The following CCDC88A variants were observed in gnomAD, a reference collection of about 807,000 sequenced individuals.
The protein encoded by CCDC88A is girdin.
A neutral mutation model predicts 234.3 loss-of-function variants in CCDC88A; 54 were observed. That is an observed-to-expected ratio of 0.23 (90% CI 0.19 to 0.29). The LOEUF is 0.29. CCDC88A is among the 10% of genes least tolerant of loss of function. The pLI, the probability that CCDC88A is intolerant of heterozygous loss-of-function variation, is 1.00. For synonymous variants in CCDC88A, 753 were observed against 737.8 expected (o/e 1.02, Z -0.33); for missense variants, 1,832 against 2,123.4 (o/e 0.86, Z 2.70).
rs1574049389 is a variant in CCDC88A at position 55,309,930 on chromosome 2, T to C, written c.4080-676A>G. 6.6e-6 allele frequency among the ~76,000 whole-genome samples: 1 copy of C among 152,104 alleles called. No individual in the cohort carries two copies. The highest frequency in any genetic ancestry group is 2.4e-5 in the African/African-American group (1 of 41,410). Reference sequence around the variant, plus strand: ...TGTGTGTATATATATAAAATGACTATATAATCCAAGGTAGTAGCAGTACCA... The same window carrying C: ...TGTGTGTATATATATAAAATGACTACATAATCCAAGGTAGTAGCAGTACCA... On this transcript the variant is annotated intron_variant, in intron 23 of 32. Transcript: ENST00000436346. This position sits in a 1 kb window ranked among gnomAD's most constrained non-coding sequence, Gnocchi z 5.1.
intron 22 of CCDC88A, chr2:55,313,862 TTTA>T: frequency 6.6e-6 from 1 of 152,350 alleles, no homozygotes. Context: ...GTTGGTTTTA[TTTA>T]TCTGTATGTT....
At chr2:55,407,531 G>A (rs1220316140) in intron 2 of CCDC88A, among the ~76,000 whole-genome samples, 4 of 151,592 alleles carry the variant, frequency 2.6e-5, no homozygotes, top group Non-Finnish European at 5.9e-5. Context: ...CTTGAAACCG[G>A]GAGGCAGAGG....
At chr2:55,398,716 T>A (rs1050785738) in intron 2 of CCDC88A, among the ~76,000 whole-genome samples, 1 of 152,036 alleles carries the variant, frequency 6.6e-6, no homozygotes, top group Non-Finnish European at 1.5e-5. Context: ...AGTTCAAGAC[T>A]ACCCTGGGCA....
chr2:55,303,860 C>A (rs1197025933), intron 25 of CCDC88A, among the ~76,000 whole-genome samples: 1 of 152,158 alleles, frequency 6.6e-6, no homozygotes, highest in Non-Finnish European at 1.5e-5. Flanking sequence ...CTTTTGAAGT[C>A]TCTATTTTAA....
At chr2:55,338,778 C>A (rs1393001813) in intron 13 of CCDC88A, among the ~76,000 whole-genome samples, 1 of 152,116 alleles carries the variant, frequency 6.6e-6, no homozygotes, top group Non-Finnish European at 1.5e-5. Context: ...CTTCCACTAG[C>A]CCGAGTTGAG....
chr2:55,373,688 C>T (rs1274112896), intron 4 of CCDC88A, among the ~76,000 whole-genome samples: 1 of 152,130 alleles, frequency 6.6e-6, no homozygotes, highest in Non-Finnish European at 1.5e-5. Context: ...ACAATTCCAT[C>T]CTACACGCAA....
rs548868994 is a variant in CCDC88A, at chr2:55,410,546, TCA to T, written c.164+8268_164+8269del. On this transcript the variant is annotated intron_variant, in intron 2 of 32. Coordinates refer to ENST00000436346, the MANE Select transcript of CCDC88A (RefSeq NM_001365480.1). Reference sequence around the variant, plus strand: ...ACAAATGTTAGGGGCAGATCTCCTCTCACTCAGAGTGAAGTTGATGGGTTTTA... The same window carrying T: ...ACAAATGTTAGGGGCAGATCTCCTCTCTCAGAGTGAAGTTGATGGGTTTTA... 5.3e-5 allele frequency among the ~76,000 whole-genome samples: 8 copies of T among 152,296 alleles called. No homozygotes were observed. In the East Asian group the frequency reaches 1.5e-3, roughly 29 times the overall value.
In CCDC88A at chr2:55,339,536, A is replaced by G. The variant is rs1467153111; in HGVS notation, c.1446T>C (p.Thr482=). 6.2e-7 allele frequency: 1 copy of G among 1,613,630 alleles called. No homozygotes were observed. Among genetic ancestry groups the G allele is most frequent in the Non-Finnish European group, 8.5e-7 (1 of 1,179,766 alleles). The change falls in exon 13 of 33, where the codon ACT becomes ACC. Residue 482 remains threonine (T), a synonymous_variant. Transcript: ENST00000436346. The stretch of plus-strand genomic sequence containing the variant: ...AAGCATTGCCTTCTACAGAATCCAC[A>G]GTAGTCCGAAGCTCTTCTACGGTTT... The part of the protein sequence containing the change: ...LTKTVEELRT[T]VDSVEGNASK...
At position 55,291,680 on chromosome 2, in the gene CCDC88A, T is replaced by A. The variant is rs753360410; in HGVS notation, c.*31A>T. Reference sequence around the variant, plus strand: ...CATTTTAAGCAGGAAACTCACCACTTGGCCCACATGTCATGTAGTGGGTAA... The same window carrying A: ...CATTTTAAGCAGGAAACTCACCACTAGGCCCACATGTCATGTAGTGGGTAA... On this transcript the variant is annotated 3_prime_UTR_variant, in exon 32 of 33. Transcript: ENST00000436346. 2.8e-6 allele frequency: 4 copies of A among 1,429,086 alleles called. No individual in the cohort carries two copies. Among genetic ancestry groups the A allele is most frequent in the African/African-American group, 1.4e-5 (1 of 69,808 alleles). The allele number at this position is 1,429,086 out of a possible 1,614,324, so 88.5% of individuals were successfully genotyped here. A position where few individuals can be genotyped will look rare whatever the true frequency, so the allele number is the denominator to read the frequency against.
chr2:55,394,452 T>A (rs1677175191), intron 2 of CCDC88A: 1 of 152,082 alleles, frequency 6.6e-6, no homozygotes, highest in Non-Finnish European at 1.5e-5. Context: ...TACCCAGTAA[T>A]GGGATAGCTG....
intron 3 of CCDC88A, among the ~76,000 whole-genome samples, chr2:55,380,573 A>T (rs1415911793): frequency 6.6e-6 from 1 of 152,132 alleles, no homozygotes; most frequent in Non-Finnish European, 1.5e-5. Flanking sequence ...GGCTTTGTAT[A>T]ACTTTTTTCA....
intron 2 of CCDC88A, among the ~76,000 whole-genome samples, chr2:55,408,296 C>T (rs1679936568): frequency 1.3e-5 from 2 of 152,052 alleles, no homozygotes; most frequent in South Asian, 4.1e-4. Flanking sequence ...TTCCTTCATT[C>T]TTATTACAAC....
At chr2:55,300,038 A>G in intron 28 of CCDC88A, 119 bp from the exon 29 acceptor site, 1 of 703,370 alleles carries the variant, frequency 1.4e-6, no homozygotes, top group Non-Finnish European at 2.5e-6. Flanking sequence ...TCACAAGATG[A>G]GCATGCCCAG....
intron 16 of CCDC88A, among the ~76,000 whole-genome samples, chr2:55,330,340 G>T (rs1684766924): frequency 6.6e-6 from 1 of 152,040 alleles, no homozygotes. Flanking sequence ...AGGCATGGTG[G>T]TGCGTGCCTG....
At chr2:55,352,578 TTTTA>T (rs1670031324) in intron 8 of CCDC88A, among the ~76,000 whole-genome samples, 1 of 152,200 alleles carries the variant, frequency 6.6e-6, no homozygotes, top group South Asian at 2.1e-4. Context: ...TCAATAAGTC[TTTTA>T]TTTTTTTGAA....
chr2:55,387,891 T>C (rs1264469034), intron 3 of CCDC88A, among the ~76,000 whole-genome samples: 4 of 152,146 alleles, frequency 2.6e-5, no homozygotes, highest in Non-Finnish European at 2.9e-5. Flanking sequence ...TAAATTTATT[T>C]GCACCTAATA....
chr2:55,369,449 C>CTTT (rs10587591), intron 5 of CCDC88A, among the ~76,000 whole-genome samples: 1 of 125,446 alleles, frequency 8.0e-6, no homozygotes, highest in African/African-American at 3.1e-5. Flanking sequence ...TTCAACCACA[C>CTTT]TTTTTTTTTT....
Position 55,367,528 on chromosome 2 carries a change from G to GTTTTTTTTT in CCDC88A, c.403-3504_403-3496dup. Among the ~76,000 whole-genome samples, 775 of 99,882 alleles carry GTTTTTTTTT rather than the reference G, an allele frequency of 7.8e-3. 157 individuals carry two copies. Among genetic ancestry groups the GTTTTTTTTT allele is most frequent in the African/African-American group, 0.032 (737 of 23,356 alleles). 65.5% of individuals were successfully genotyped at this position (99,882 alleles called of 152,430 possible). The stretch of plus-strand genomic sequence containing the variant: ...TTGCTAGAAATTGTTTTATTTCCTT[G>GTTTTTTTTT]TTTTTTTTTAAGAGACTGGGTCTTG... On this transcript the variant is annotated intron_variant, in intron 5 of 32. Transcript: ENST00000436346.
intron 23 of CCDC88A, 103 bp downstream of exon 23, chr2:55,312,331 T>G: frequency 9.7e-7 from 1 of 1,027,588 alleles, no homozygotes; most frequent in Admixed American, 2.1e-5. Flanking sequence ...AAATATTTGT[T>G]GAAAATCAGT....
Sources: gnomAD v4.1 joint callset for allele counts (sites outside exome capture counted in the v4.1 genomes callset) on GRCh38, gnomAD v4.1.1 for gene constraint, Gnocchi (gnomAD v3.1) non-coding constraint, MANE v1.5 for transcripts, NCBI Gene and HGNC (gene_info 2026-07-23, HGNC 2026-07-21) for gene names.